The following SH3BP5 variants were observed in gnomAD, a reference collection of about 807,000 sequenced individuals.
SH3BP5 encodes the protein SH3 domain-binding protein 5.
A neutral mutation model predicts 43.3 loss-of-function variants in SH3BP5; 22 were observed. That is an observed-to-expected ratio of 0.51 (90% confidence interval 0.36 to 0.73). The LOEUF (loss-of-function observed/expected upper bound fraction) is 0.73, where lower values mean the gene tolerates loss of function less well. Among genes scored for constraint, SH3BP5 ranks in the 30% least tolerant of loss-of-function variants. The pLI is 0.00. For synonymous variants in SH3BP5, 255 were observed against 225.8 expected (o/e 1.13, Z -1.16); for missense variants, 529 against 586.9 (o/e 0.90, Z 1.02).
chr3:15,312,751 G>A (rs2688672), intron 2 of SH3BP5, among the ~76,000 whole-genome samples: 123,555 of 152,134 alleles, frequency 0.81, 50,532 homozygotes, highest in African/African-American at 0.9. Flanking sequence ...AGAGCCTTCC[G>A]TAAAGAGGGG....
At chr3:15,283,396 CA>C (rs1372005788) in intron 3 of SH3BP5, among the ~76,000 whole-genome samples, 6 of 151,706 alleles carry the variant, frequency 4.0e-5, no homozygotes, top group African/African-American at 1.5e-4. Flanking sequence ...GACCCTGTCT[CA>C]AAAAAAGGAA....
chr3:15,332,487 C>T lies in SH3BP5; in HGVS notation c.-79G>A. The T allele has an allele frequency of 7.3e-7, 1 of 1,362,610 alleles. No individual in the cohort carries two copies. The highest frequency in any genetic ancestry group is 1.5e-5 in the African/African-American group (1 of 65,108). 84.4% of individuals were successfully genotyped at this position (1,362,610 alleles called of 1,614,324 possible). On this transcript the variant is annotated 5_prime_UTR_variant, in exon 1 of 9. Coordinates refer to ENST00000383791, the MANE Select transcript of SH3BP5 (RefSeq NM_004844.5). ...GCGGCTGCCACAGGCTGGGCTGGAG[C>T]CGCCTCGCCACAGCCGGGCACGGTC...
chr3:15,263,374 C>T (rs1050377834), intron 4 of SH3BP5, among the ~76,000 whole-genome samples: 6 of 152,192 alleles, frequency 3.9e-5, no homozygotes. Context: ...GGCACGATGG[C>T]AGTCAAGCCA....
chr3:15,311,701 ATCTC>A (rs764885702), intron 2 of SH3BP5, among the ~76,000 whole-genome samples: 2 of 151,910 alleles, frequency 1.3e-5, no homozygotes, highest in Non-Finnish European at 2.9e-5. Flanking sequence ...TTGAGACAGG[ATCTC>A]TCTCTGTTAC....
intron 2 of SH3BP5, among the ~76,000 whole-genome samples, chr3:15,304,459 G>A (rs1023905189): frequency 8.5e-5 from 13 of 152,366 alleles, no homozygotes; most frequent in South Asian, 6.2e-4. Context: ...CACCAGCCAC[G>A]TGTGGCTACT....
At chr3:15,260,266 G>T in intron 5 of SH3BP5, 1 of 177,514 alleles carries the variant, frequency 5.6e-6, no homozygotes, top group Non-Finnish European at 1.2e-5. Context: ...AGAGAGAGAA[G>T]CACCACTCCT....
chr3:15,259,028 T>TG lies in SH3BP5; in HGVS notation c.691_692insC (p.Asp231AlafsTer26). On this transcript the variant is annotated frameshift_variant, in exon 7 of 9. Transcript: ENST00000383791. LOFTEE classifies it high-confidence loss of function. The stretch of plus-strand genomic sequence containing the variant: ...TGCCAGGGTCAGTTTGGCCTGCAGG[T>TG]CATCCACAGTCTTTTTCAGTTGCTG... 1 of 1,614,174 alleles carries TG rather than the reference T, an allele frequency of 6.2e-7. No homozygotes were observed. The highest frequency in any genetic ancestry group is 8.5e-7 in the Non-Finnish European group (1 of 1,179,998).
At chr3:15,258,583 C>T in intron 7 of SH3BP5, 1 of 534,212 alleles carries the variant, frequency 1.9e-6, no homozygotes, top group Non-Finnish European at 3.3e-6. Flanking sequence ...TATACTTTGA[C>T]TCTCAAAGAG....
chr3:15,319,013 G>A (rs1272474607), intron 2 of SH3BP5, among the ~76,000 whole-genome samples: 1 of 152,212 alleles, frequency 6.6e-6, no homozygotes, highest in Admixed American at 6.5e-5. Context: ...CAAAACCAGT[G>A]GCAGGGAAAG....
intron 1 of SH3BP5, among the ~76,000 whole-genome samples, chr3:15,331,631 G>T (rs1698611590): frequency 6.6e-6 from 1 of 152,150 alleles, no homozygotes; most frequent in Admixed American, 6.5e-5. Flanking sequence ...CGCATCAGTT[G>T]TCCCCGATTT....
At chr3:15,271,008 T>C (rs1171284852) in intron 3 of SH3BP5, among the ~76,000 whole-genome samples, 1 of 149,574 alleles carries the variant, frequency 6.7e-6, no homozygotes, top group African/African-American at 2.5e-5. Context: ...AAAAAAAGAA[T>C]GTTAAATATC....
chr3:15,258,370 T>G (rs1696301647), intron 7 of SH3BP5, among the ~76,000 whole-genome samples: 1 of 152,068 alleles, frequency 6.6e-6, no homozygotes, highest in South Asian at 2.1e-4. Context: ...GGTTGATTCA[T>G]GTAAGCTGAA....
At chr3:15,296,806 A>G (rs180821058) in intron 3 of SH3BP5, among the ~76,000 whole-genome samples, 2 of 138,970 alleles carry the variant, frequency 1.4e-5, no homozygotes, top group East Asian at 4.2e-4. Context: ...CAATCCTTCT[A>G]CCTCAGCCTC....
intron 3 of SH3BP5, among the ~76,000 whole-genome samples, chr3:15,299,884 A>G (rs926543124): frequency 6.6e-6 from 1 of 152,250 alleles, no homozygotes; most frequent in Non-Finnish European, 1.5e-5. Flanking sequence ...AACCACCACT[A>G]TGCTATCTTC....
chr3:15,295,712 G>A (rs1431503595), intron 3 of SH3BP5, among the ~76,000 whole-genome samples: 1 of 152,226 alleles, frequency 6.6e-6, no homozygotes, highest in Non-Finnish European at 1.5e-5. Flanking sequence ...GTTCACTCAA[G>A]TAAGTGCTAA....
chr3:15,291,155 T>C (rs1425553770), intron 3 of SH3BP5, among the ~76,000 whole-genome samples: 1 of 152,210 alleles, frequency 6.6e-6, no homozygotes, highest in Non-Finnish European at 1.5e-5. Flanking sequence ...ACACCAGGCT[T>C]GGGAGTAGCT....
At chr3:15,337,756 A>G (rs994643738) in intron 1 of SH3BP5, among the ~76,000 whole-genome samples, 1 of 151,418 alleles carries the variant, frequency 6.6e-6, no homozygotes, top group African/African-American at 2.4e-5. Context: ...TACCAAAAAA[A>G]AATTTTTAAT....
chr3:15,292,924 C>CTG (rs1266722623), intron 3 of SH3BP5, among the ~76,000 whole-genome samples: 6 of 152,158 alleles, frequency 3.9e-5, no homozygotes, highest in Non-Finnish European at 7.3e-5. Context: ...GAGGCAGAGC[C>CTG]AGCCAAGCAG....
In SH3BP5 at chr3:15,330,215, T is replaced by C. The variant is rs1384288844; in HGVS notation, c.201+289A>G. Among the ~76,000 whole-genome samples the C allele has an allele frequency of 2.0e-5, 3 of 152,384 alleles. No individual in the cohort carries two copies. The East Asian group carries it at 5.8e-4, about 29-fold the overall frequency. Reference sequence around the variant, plus strand: ...GTTCGGCTAATTTTCCCCTGTCCTTTCAGTCACATTAAAACTTGGGGCTTA... The same window carrying C: ...GTTCGGCTAATTTTCCCCTGTCCTTCCAGTCACATTAAAACTTGGGGCTTA... On this transcript the variant is annotated intron_variant, in intron 2 of 8. Transcript: ENST00000383791.
Sources: gnomAD v4.1 joint callset for allele counts (sites outside exome capture counted in the v4.1 genomes callset) on GRCh38, gnomAD v4.1.1 for gene constraint, MANE v1.5 for transcripts, NCBI Gene and HGNC (gene_info 2026-07-23, HGNC 2026-07-21) for gene names.